PRDM6: variants seen among roughly 807,000 people sequenced by gnomAD.
The protein encoded by PRDM6 is putative histone-lysine N-methyltransferase PRDM6.
PRDM6 carries 25 observed loss-of-function variants against 60.8 expected under a neutral mutation model. The ratio of observed to expected loss-of-function variants is 0.41; its 90% CI spans 0.30 to 0.57. PRDM6 has a LOEUF of 0.57. PRDM6 is among the 20% of genes least tolerant of loss of function. The pLI is 0.27. For missense variants in PRDM6, 839 were observed against 821.3 expected (o/e 1.02, Z -0.26); for synonymous variants, 407 against 357.4 (o/e 1.14, Z -1.57).
intron 3 of PRDM6, among the ~76,000 whole-genome samples, chr5:123,121,588 TTAACA>T (rs1764582164): frequency 6.6e-6 from 1 of 152,148 alleles, no homozygotes; most frequent in African/African-American, 2.4e-5. Flanking sequence ...CCCAGTCACC[TTAACA>T]TTTCACCTAT....
intron 3 of PRDM6, among the ~76,000 whole-genome samples, chr5:123,114,343 A>G (rs1764383480): frequency 6.6e-6 from 1 of 152,094 alleles, no homozygotes; most frequent in Non-Finnish European, 1.5e-5. Context: ...TGTGCTATTT[A>G]TTTACCCACA....
At chr5:123,120,036 A>G (rs1170867386) in intron 3 of PRDM6, among the ~76,000 whole-genome samples, 7 of 152,196 alleles carry the variant, frequency 4.6e-5, no homozygotes, top group African/African-American at 9.7e-5. Context: ...TAGAATGCTT[A>G]ATATACATTA....
intron 3 of PRDM6, among the ~76,000 whole-genome samples, chr5:123,148,737 A>T (rs1765305597): frequency 6.6e-6 from 1 of 152,222 alleles, no homozygotes; most frequent in African/African-American, 2.4e-5. Context: ...TGTTCTAAAA[A>T]TAGAAATTTG....
At chr5:123,158,964 C>T (rs1765568458) in intron 4 of PRDM6, among the ~76,000 whole-genome samples, 1 of 152,078 alleles carries the variant, frequency 6.6e-6, no homozygotes, top group Non-Finnish European at 1.5e-5. Flanking sequence ...GAATTTCCAT[C>T]CATTTCACAT....
At chr5:123,107,827 C>T (rs1764228877) in intron 3 of PRDM6, among the ~76,000 whole-genome samples, 1 of 152,200 alleles carries the variant, frequency 6.6e-6, no homozygotes, top group Admixed American at 6.5e-5. Context: ...GGTTTGGTGG[C>T]ACCTTGCCTT....
At position 123,099,538 on chromosome 5, in the gene PRDM6, G is replaced by T; in HGVS notation, c.593-116G>T. 2 of 949,738 alleles carry T rather than the reference G, an allele frequency of 2.1e-6. No homozygotes were observed. Among genetic ancestry groups the T allele is most frequent in the Non-Finnish European group, 3.0e-6 (2 of 672,024 alleles). 58.8% of individuals were successfully genotyped at this position (949,738 alleles called of 1,614,324 possible). The stretch of plus-strand genomic sequence containing the variant: ...CCCCAAGGCATCACCTTCCTCGAAG[G>T]TGGCTTACCCAGGCGGGCGGTGATG... On this transcript the variant is annotated intron_variant, in intron 2 of 7. Coordinates refer to ENST00000407847, the MANE Select transcript of PRDM6 (RefSeq NM_001136239.4). This position sits in a 1 kb window ranked among gnomAD's most constrained non-coding sequence, Gnocchi z 4.0.
intron 3 of PRDM6, among the ~76,000 whole-genome samples, chr5:123,102,917 T>G (rs1764135445): frequency 6.6e-6 from 1 of 152,134 alleles, no homozygotes; most frequent in East Asian, 1.9e-4. Context: ...ACATGAAGGC[T>G]TATTACAGAA....
chr5:123,107,360 C>CCT (rs1478014574), intron 3 of PRDM6, among the ~76,000 whole-genome samples: 1 of 152,076 alleles, frequency 6.6e-6, no homozygotes, highest in East Asian at 1.9e-4. Context: ...TTTTAGAAGG[C>CCT]CTAATACATT....
chr5:123,154,061 G>A (rs1471107636), intron 3 of PRDM6, among the ~76,000 whole-genome samples: 1 of 151,418 alleles, frequency 6.6e-6, no homozygotes, highest in Non-Finnish European at 1.5e-5. Flanking sequence ...TGAAGAAACT[G>A]GTTAAGATTA....
rs761038820 is a variant in PRDM6 at position 123,159,539 on chromosome 5, A to G, written c.1054A>G (p.Ile352Val). The change falls in exon 5 of 8, where the codon ATA (isoleucine) becomes GTA (valine). Residue 352 changes from isoleucine (I) to valine (V), a missense_variant. Physicochemically the swap from Ile to Val is conservative, Grantham distance 29. Transcript: ENST00000407847. Reference protein sequence around the residue: ...YRSNIFYRACIDIPRGTELLV... With the variant: ...YRSNIFYRACVDIPRGTELLV... The stretch of plus-strand genomic sequence containing the variant: ...GTCGAATATATTCTACCGAGCCTGT[A>G]TAGATATCCCTAGGGGCACCGAGCT... The G allele has an allele frequency of 1.5e-5, 24 of 1,551,464 alleles. No individual in the cohort carries two copies. The highest frequency in any genetic ancestry group is 1.4e-4 in the South Asian group (12 of 84,048).
intron 3 of PRDM6, among the ~76,000 whole-genome samples, chr5:123,128,401 C>T (rs1475721377): frequency 6.6e-6 from 1 of 152,212 alleles, no homozygotes; most frequent in African/African-American, 2.4e-5. Flanking sequence ...TAAAAGCGTT[C>T]CTATTTCTCC....
At chr5:123,173,332 G>T (rs1448234748) in intron 6 of PRDM6, 1 of 166,402 alleles carries the variant, frequency 6.0e-6, no homozygotes, top group Non-Finnish European at 1.5e-5. Context: ...ATACATTTCA[G>T]TGGGAGATTG....
chr5:123,174,548 A>AT (rs1056056575), intron 6 of PRDM6, among the ~76,000 whole-genome samples: 1 of 152,184 alleles, frequency 6.6e-6, no homozygotes, highest in Non-Finnish European at 1.5e-5. Flanking sequence ...GGTCCAAATG[A>AT]TTTTTTATTC....
Position 123,099,511 on chromosome 5 carries a change from G to A in PRDM6, c.593-143G>A, listed in dbSNP as rs945259665. 22 of 696,772 alleles carry A rather than the reference G, an allele frequency of 3.2e-5. No homozygotes were observed. Among genetic ancestry groups the A allele is most frequent in the Non-Finnish European group, 4.7e-5 (21 of 448,190 alleles). The allele number at this position is 696,772 out of a possible 1,614,324, so 43.2% of individuals were successfully genotyped here. ...TCCTCCTCCTCTGAGTTGCTTCGGT[G>A]CCCCCAAGGCATCACCTTCCTCGAA... On this transcript the variant is annotated intron_variant, in intron 2 of 7. Transcript: ENST00000407847. The surrounding 1 kb of genome is among the most constrained non-coding windows in gnomAD (Gnocchi z 4.0).
intron 3 of PRDM6, among the ~76,000 whole-genome samples, chr5:123,150,200 T>G (rs573377922): frequency 6.6e-6 from 1 of 152,168 alleles, no homozygotes; most frequent in Non-Finnish European, 1.5e-5. Flanking sequence ...CATTTTTTTT[T>G]CTCAGAAAAA....
At chr5:123,134,996 T>C (rs1417912442) in intron 3 of PRDM6, among the ~76,000 whole-genome samples, 1 of 56,422 alleles carries the variant, frequency 1.8e-5, no homozygotes, top group Admixed American at 1.5e-4. Flanking sequence ...AAAAGTATTC[T>C]TAAAAAAAAA....
chr5:123,186,460 T>C (rs976321728), intron 7 of PRDM6, among the ~76,000 whole-genome samples: 1 of 152,200 alleles, frequency 6.6e-6, no homozygotes, highest in Non-Finnish European at 1.5e-5. Flanking sequence ...TTCTAGCCCA[T>C]AGGTACATCC....
In PRDM6 at chr5:123,090,372, G is replaced by A. The variant is rs758839608; in HGVS notation, c.358G>A (p.Ala120Thr). ...ALPVSQLPVF[A>T]PLAAAAVAAE... ...GCCGGTGTCGCAGCTGCCGGTGTTC[G>A]CGCCTCTAGCCGCCGCTGCCGTCGC... is the stretch of plus-strand genomic sequence containing the variant. Residue 120 changes from alanine to threonine, a missense_variant, in exon 2 of 8, where the codon GCG (alanine) becomes ACG (threonine). Transcript: ENST00000407847. 2.7e-6 allele frequency: 4 copies of A among 1,470,254 alleles called. No homozygotes were observed. The South Asian group carries it at 5.2e-5, about 19-fold the overall frequency. The allele number at this position is 1,470,254 out of a possible 1,614,324, so 91.1% of individuals were successfully genotyped here. A position where few individuals can be genotyped will look rare whatever the true frequency, so the allele number is the denominator to read the frequency against.
chr5:123,110,641 C>T (rs1764292091), intron 3 of PRDM6, among the ~76,000 whole-genome samples: 1 of 147,184 alleles, frequency 6.8e-6, no homozygotes, highest in Admixed American at 6.9e-5. Flanking sequence ...AGTCTTGGCT[C>T]ACCGCAACCT....
Sources: allele counts gnomAD v4.1 joint callset (sites outside exome capture counted in the v4.1 genomes callset), GRCh38; gene constraint gnomAD v4.1.1; non-coding constraint Gnocchi (gnomAD v3.1); transcripts MANE v1.5; gene names NCBI Gene and HGNC (gene_info 2026-07-23, HGNC 2026-07-21).